ASB18: variants seen among roughly 807,000 people sequenced by gnomAD.
The protein encoded by ASB18 is ankyrin repeat and SOCS box containing 18.
In ASB18, 33 loss-of-function variants were observed where a neutral mutation model predicts 33.4. The observed-to-expected ratio is 0.99, with a 90% CI of 0.75 to 1.32. ASB18 has a LOEUF of 1.32. Among genes scored for constraint, ASB18 ranks in the 40% most tolerant of loss-of-function variants. The pLI is 0.00. For missense variants in ASB18, 694 were observed against 655.5 expected (o/e 1.06, Z -0.64); for synonymous variants, 295 against 307.6 (o/e 0.96, Z 0.43).
intron 1 of ASB18, among the ~76,000 whole-genome samples, chr2:236,242,982 CTG>C (rs1201733829): frequency 7.3e-6 from 1 of 137,592 alleles, no homozygotes; most frequent in Non-Finnish European, 1.5e-5. Context: ...GATTGTGCCA[CTG>C]TACTCCAGCC....
chr2:236,232,926 T>G (rs1430776910), intron 3 of ASB18, among the ~76,000 whole-genome samples: 3 of 152,112 alleles, frequency 2.0e-5, no homozygotes, highest in Non-Finnish European at 4.4e-5. Context: ...AAATTATTTT[T>G]TCTCAAATTA....
At position 236,235,344 on chromosome 2, in the gene ASB18, C is replaced by T. The variant is rs1283656087; in HGVS notation, c.596+2345G>A. 2.6e-5 allele frequency among the ~76,000 whole-genome samples: 4 copies of T among 152,188 alleles called. No homozygotes were observed. Among genetic ancestry groups the T allele is most frequent in the Non-Finnish European group, 5.9e-5 (4 of 68,028 alleles). On this transcript the variant is annotated intron_variant, in intron 3 of 5. Coordinates refer to ENST00000409749, the MANE Select transcript of ASB18 (RefSeq NM_212556.4). This position sits in a 1 kb window ranked among gnomAD's most constrained non-coding sequence, Gnocchi z 6.2. ...AGGTTTGTAGCCTGGGAGCCAGAGG[C>T]TTAATCATATAGCCTAGGTGGGCAG...
chr2:236,232,332 G>A lies in ASB18; in HGVS notation c.596+5357C>T, dbSNP rs916770350. 1.7e-4 allele frequency among the ~76,000 whole-genome samples: 25 copies of A among 151,476 alleles called. 1 individual carries two copies. The highest frequency in any genetic ancestry group is 1.6e-3 in the Admixed American group (25 of 15,224). On this transcript the variant is annotated intron_variant, in intron 3 of 5. Transcript: ENST00000409749. ...GTAAAAACACATATTAAAATTTGTG[G>A]GATTCAGCTAAAATAGTATGTAGTG...
Position 236,257,697 on chromosome 2 carries a change from G to A in ASB18, c.205+6444C>T, listed in dbSNP as rs1297891959. ...TGACTACAAGTCAGGAAGCATACCTGCTCCTGCTCTGCTCCTAACTGGCTG... is the reference window on the plus strand; with the variant it reads ...TGACTACAAGTCAGGAAGCATACCTACTCCTGCTCTGCTCCTAACTGGCTG... On this transcript the variant is annotated intron_variant, in intron 1 of 5. Coordinates refer to ENST00000409749, the MANE Select transcript of ASB18 (RefSeq NM_212556.4). This position sits in a 1 kb window ranked among gnomAD's most constrained non-coding sequence, Gnocchi z 5.5. Among the ~76,000 whole-genome samples the A allele has an allele frequency of 2.0e-5, 3 of 152,210 alleles. No homozygotes were observed. The highest frequency in any genetic ancestry group is 1.9e-4 in the East Asian group (1 of 5,188).
At position 236,251,690 on chromosome 2, in the gene ASB18, C is replaced by A; in HGVS notation, c.206-10288G>T. 1.3e-5 allele frequency among the ~76,000 whole-genome samples: 2 copies of A among 152,004 alleles called. 1 individual carries two copies. Among genetic ancestry groups the A allele is most frequent in the Middle Eastern group, 6.8e-3 (2 of 294 alleles). On this transcript the variant is annotated intron_variant, in intron 1 of 5. Transcript: ENST00000409749. This position sits in a 1 kb window ranked among gnomAD's most constrained non-coding sequence, Gnocchi z 5.3. ...CAGAATTAGAACTTTAAACTTCCAACGGAAAAACAGGAAAAAAAATGATAA... is the reference window on the plus strand; with the variant it reads ...CAGAATTAGAACTTTAAACTTCCAAAGGAAAAACAGGAAAAAAAATGATAA...
rs904125232 is a variant in ASB18, at chr2:236,255,465, C to T, written c.205+8676G>A. On this transcript the variant is annotated intron_variant, in intron 1 of 5. Coordinates refer to ENST00000409749, the MANE Select transcript of ASB18 (RefSeq NM_212556.4). The surrounding 1 kb of genome is among the most constrained non-coding windows in gnomAD (Gnocchi z 4.4). ...GGCCTGGTATTTCTTTATCACAATG[C>T]GAGAACGGACTAACACAGTGGGGAG... Among the ~76,000 whole-genome samples the T allele has an allele frequency of 1.3e-5, 2 of 152,064 alleles. No homozygotes were observed. The highest frequency in any genetic ancestry group is 4.1e-4 in the South Asian group (2 of 4,828).
intron 4 of ASB18, among the ~76,000 whole-genome samples, chr2:236,210,758 G>A (rs1311899764): frequency 6.6e-6 from 1 of 152,204 alleles, no homozygotes; most frequent in African/African-American, 2.4e-5. Context: ...AGCTGGCCAT[G>A]TAAACTGAGC....
In ASB18 at chr2:236,196,018, G is replaced by A. The variant is rs1008108224; in HGVS notation, c.1215+254C>T. 7 of 499,442 alleles carry A rather than the reference G, an allele frequency of 1.4e-5. No homozygotes were observed. Among genetic ancestry groups the A allele is most frequent in the African/African-American group, 9.8e-5 (5 of 51,048 alleles). The allele number at this position is 499,442 out of a possible 1,614,324, so 30.9% of individuals were successfully genotyped here. On this transcript the variant is annotated intron_variant, in intron 5 of 5. Transcript: ENST00000409749. The surrounding 1 kb of genome is among the most constrained non-coding windows in gnomAD (Gnocchi z 5.6). ...TTTGGACACTGGTTAAGGAACCCTC[G>A]CGCTTTTCAGGCCAGCACGGGGCTC...
At chr2:236,254,166 A>G (rs2060681595) in intron 1 of ASB18, 1 of 152,222 alleles carries the variant, frequency 6.6e-6, no homozygotes. Flanking sequence ...GCTGAGTTCC[A>G]ATAAAACTTT....
intron 4 of ASB18, among the ~76,000 whole-genome samples, chr2:236,198,843 A>T (rs2060386226): frequency 6.6e-6 from 1 of 151,734 alleles, no homozygotes; most frequent in African/African-American, 2.4e-5. Flanking sequence ...AAATAATGAT[A>T]TTTTTTTCTC....
Position 236,257,152 on chromosome 2 carries a change from G to A in ASB18, c.205+6989C>T, listed in dbSNP as rs143240063. 4.0e-4 allele frequency among the ~76,000 whole-genome samples: 61 copies of A among 152,328 alleles called. No homozygotes were observed. Among genetic ancestry groups the A allele is most frequent in the African/African-American group, 1.4e-3 (57 of 41,562 alleles). On this transcript the variant is annotated intron_variant, in intron 1 of 5. Transcript: ENST00000409749. This position sits in a 1 kb window ranked among gnomAD's most constrained non-coding sequence, Gnocchi z 5.5. ...CTTTAGCAAGAATTTTGCAATCAGC[G>A]TTAATTAAGAAGATGGGACAATAAT...
rs1362265313 is a variant in ASB18 at position 236,211,538 on chromosome 2, C to G, written c.1101+2824G>C. ...ATGGGTGTCTCTTTACATCTATTCACAGTACGGCTGCTGCCCACGGACGGC... is the reference window on the plus strand; with the variant it reads ...ATGGGTGTCTCTTTACATCTATTCAGAGTACGGCTGCTGCCCACGGACGGC... On this transcript the variant is annotated intron_variant, in intron 4 of 5. Coordinates refer to ENST00000409749, the MANE Select transcript of ASB18 (RefSeq NM_212556.4). The surrounding 1 kb of genome is among the most constrained non-coding windows in gnomAD (Gnocchi z 5.0). Among the ~76,000 whole-genome samples the G allele has an allele frequency of 6.6e-6, 1 of 152,242 alleles. No homozygotes were observed. The highest frequency in any genetic ancestry group is 1.5e-5 in the Non-Finnish European group (1 of 68,050).
Position 236,225,883 on chromosome 2 carries a change from G to T in ASB18, c.597-11017C>A, listed in dbSNP as rs2060535160. 1.3e-5 allele frequency among the ~76,000 whole-genome samples: 2 copies of T among 152,104 alleles called. No homozygotes were observed. The highest frequency in any genetic ancestry group is 4.2e-4 in the South Asian group (2 of 4,818). ...GCGAATTGCCAACTAAAAGGGGATG[G>T]AGCAGAACGGGGTCCCTAGGTGTGG... On this transcript the variant is annotated intron_variant, in intron 3 of 5. Coordinates refer to ENST00000409749, the MANE Select transcript of ASB18 (RefSeq NM_212556.4). This position sits in a 1 kb window ranked among gnomAD's most constrained non-coding sequence, Gnocchi z 5.1.
In ASB18 at chr2:236,204,848, C is replaced by T. The variant is rs371677403; in HGVS notation, c.1102-8463G>A. ...CCCAACCTGCTGTGCCACCCATAAC[C>T]TGCCCCATTCCCAAGTGATAGCAAA... On this transcript the variant is annotated intron_variant, in intron 4 of 5. Coordinates refer to ENST00000409749, the MANE Select transcript of ASB18 (RefSeq NM_212556.4). This position sits in a 1 kb window ranked among gnomAD's most constrained non-coding sequence, Gnocchi z 5.1. Among the ~76,000 whole-genome samples, 2 of 152,190 alleles carry T rather than the reference C, an allele frequency of 1.3e-5. No individual in the cohort carries two copies. Among genetic ancestry groups the T allele is most frequent in the African/African-American group, 2.4e-5 (1 of 41,460 alleles).
Position 236,252,558 on chromosome 2 carries a change from C to T in ASB18, c.206-11156G>A, listed in dbSNP as rs1170754355. ...TTCCTCCCCAGGATGTCTGTTTTCTCCTCTTGATCTATTGTTGCGGGGAGC... is the reference window on the plus strand; with the variant it reads ...TTCCTCCCCAGGATGTCTGTTTTCTTCTCTTGATCTATTGTTGCGGGGAGC... On this transcript the variant is annotated intron_variant, in intron 1 of 5. Transcript: ENST00000409749. This position sits in a 1 kb window ranked among gnomAD's most constrained non-coding sequence, Gnocchi z 7.9. Among the ~76,000 whole-genome samples, 1 of 152,076 alleles carries T rather than the reference C, an allele frequency of 6.6e-6. No homozygotes were observed. Among genetic ancestry groups the T allele is most frequent in the Non-Finnish European group, 1.5e-5 (1 of 68,018 alleles).
Position 236,228,622 on chromosome 2 carries a change from GA to G in ASB18, c.596+9066del, listed in dbSNP as rs2060551484. On this transcript the variant is annotated intron_variant, in intron 3 of 5. Transcript: ENST00000409749. The surrounding 1 kb of genome is among the most constrained non-coding windows in gnomAD (Gnocchi z 5.1). ...AGTGTGGGCTGGTGGATTTCTACCAGAAAGTTTCTAGGACAGAAACGGTGCA... is the reference window on the plus strand; with the variant it reads ...AGTGTGGGCTGGTGGATTTCTACCAGAAGTTTCTAGGACAGAAACGGTGCA... 6.6e-6 allele frequency among the ~76,000 whole-genome samples: 1 copy of G among 152,182 alleles called. No homozygotes were observed.
At position 236,214,307 on chromosome 2, in the gene ASB18, T is replaced by C. The variant is rs576601643; in HGVS notation, c.1101+55A>G. Reference sequence around the variant, plus strand: ...GCATGCAACCCAGCTCCCAGGCCGGTCACTAAGTGGCAAAACTCCAGGGCA... The same window carrying C: ...GCATGCAACCCAGCTCCCAGGCCGGCCACTAAGTGGCAAAACTCCAGGGCA... On this transcript the variant is annotated intron_variant, in intron 4 of 5. Coordinates refer to ENST00000409749, the MANE Select transcript of ASB18 (RefSeq NM_212556.4). The surrounding 1 kb of genome is among the most constrained non-coding windows in gnomAD (Gnocchi z 6.5). The C allele has an allele frequency of 3.3e-6, 5 of 1,528,310 alleles. No homozygotes were observed. Among genetic ancestry groups the C allele is most frequent in the South Asian group, 1.2e-5 (1 of 82,854 alleles). 94.7% of individuals were successfully genotyped at this position (1,528,310 alleles called of 1,614,324 possible). A position where few individuals can be genotyped will look rare whatever the true frequency, so the allele number is the denominator to read the frequency against.
rs553624117 is a variant in ASB18, at chr2:236,241,649, C to T, written c.206-247G>A. On this transcript the variant is annotated intron_variant, in intron 1 of 5. Transcript: ENST00000409749. The surrounding 1 kb of genome is among the most constrained non-coding windows in gnomAD (Gnocchi z 4.2). ...GCTCGATGGTGGTATATTTATAACT[C>T]CTGTGGGCTCCGATGTGATAATGGT... The T allele has an allele frequency of 4.9e-4, 306 of 621,708 alleles. 5 individuals are homozygous for T. In the South Asian group the frequency reaches 5.8e-3, roughly 12 times the overall value. The allele number at this position is 621,708 out of a possible 1,614,324, so 38.5% of individuals were successfully genotyped here.
At position 236,194,468 on chromosome 2, in the gene ASB18, T is replaced by G. The variant is rs2106260347; in HGVS notation, c.*404A>C. Among the ~76,000 whole-genome samples the G allele has an allele frequency of 6.6e-6, 1 of 152,334 alleles. No individual in the cohort carries two copies. The highest frequency in any genetic ancestry group is 1.9e-4 in the East Asian group (1 of 5,184). On this transcript the variant is annotated 3_prime_UTR_variant, in exon 6 of 6. Transcript: ENST00000409749. This position sits in a 1 kb window ranked among gnomAD's most constrained non-coding sequence, Gnocchi z 4.5. The stretch of plus-strand genomic sequence containing the variant: ...TGACCAGAAATATGCTGTAGGAACA[T>G]CATTCTTGTTTATATCAATTAACCT...
Sources: allele counts gnomAD v4.1 joint callset (sites outside exome capture counted in the v4.1 genomes callset), GRCh38; gene constraint gnomAD v4.1.1; non-coding constraint Gnocchi (gnomAD v3.1); transcripts MANE v1.5; gene names NCBI Gene and HGNC (gene_info 2026-07-23, HGNC 2026-07-21).